Variants in RSPH6A observed in about 807,000 individuals in gnomAD.
RSPH6A encodes radial spoke head protein 6 homolog A.
A neutral mutation model predicts 66.1 loss-of-function variants in RSPH6A; 49 were observed. The ratio of observed to expected loss-of-function variants is 0.74; its 90% confidence interval spans 0.59 to 0.94. The LOEUF (loss-of-function observed/expected upper bound fraction) is 0.94, where lower values mean the gene tolerates loss of function less well. RSPH6A is among the 40% of genes least tolerant of loss of function. The pLI, the probability that RSPH6A is intolerant of heterozygous loss-of-function variation, is 0.00. For missense variants in RSPH6A, 977 were observed against 948.3 expected, an observed-to-expected ratio of 1.03 and a Z score of -0.40; for synonymous variants, 419 against 402.4, an observed-to-expected ratio of 1.04 and a Z score of -0.49.
At chr19:45,811,924 G>A (rs574640826) in intron 1 of RSPH6A, among the ~76,000 whole-genome samples, 3 of 150,396 alleles carry the variant, frequency 2.0e-5, no homozygotes, top group Non-Finnish European at 3.0e-5. Context: ...GGGACTACAG[G>A]TGCACACCAC....
At chr19:45,803,294 T>G (rs977934660) in intron 3 of RSPH6A, among the ~76,000 whole-genome samples, 2 of 151,414 alleles carry the variant, frequency 1.3e-5, no homozygotes, top group African/African-American at 4.9e-5. Context: ...GTGGGAGGAT[T>G]GCTTGAGCCC....
At position 45,804,843 on chromosome 19, in the gene RSPH6A, GCT is replaced by G; in HGVS notation, c.1060_1061del (p.Ser354LeufsTer51). Reference sequence around the variant, plus strand: ...GGAATTCCACCTCGGCCACCAGGTAGCTGCGTTTGATTCCCAGGATCTTGCCC... The same window carrying G: ...GGAATTCCACCTCGGCCACCAGGTAGGCGTTTGATTCCCAGGATCTTGCCC... ...FWGKILGIKR[S>X]YLVAEVEFRE... On this transcript the variant is annotated frameshift_variant, in exon 3 of 6. Coordinates refer to ENST00000221538, the MANE Select transcript of RSPH6A (RefSeq NM_030785.4). LOFTEE classifies it high-confidence loss of function. This position sits in a 1 kb window ranked among gnomAD's most constrained non-coding sequence, Gnocchi z 5.8. The G allele has an allele frequency of 6.2e-7, 1 of 1,614,202 alleles. No homozygotes were observed. The highest frequency in any genetic ancestry group is 8.5e-7 in the Non-Finnish European group (1 of 1,180,040).
chr19:45,797,522 A>G (rs780490755), intron 5 of RSPH6A, among the ~76,000 whole-genome samples: 5 of 152,184 alleles, frequency 3.3e-5, no homozygotes, highest in African/African-American at 1.2e-4. Flanking sequence ...TATGTCCAAC[A>G]TATCATGTGG....
At chr19:45,814,471 G>T in intron 1 of RSPH6A, 56 bp downstream of exon 1, 1 of 1,440,916 alleles carries the variant, frequency 6.9e-7, no homozygotes. Context: ...GGCACTTCGG[G>T]TGGGGCCCCT....
chr19:45,802,841 T>C (rs1189562933), intron 3 of RSPH6A, among the ~76,000 whole-genome samples: 1 of 150,464 alleles, frequency 6.6e-6, no homozygotes, highest in East Asian at 2.0e-4. Flanking sequence ...TTTTTTGAGA[T>C]GGAGTCTGGC....
Position 45,815,194 on chromosome 19 carries a change from A to T in RSPH6A, c.-18T>A, listed in dbSNP as rs1156299968. ...TCTCCCATGGTTCGCCAGGAGGCACAGATCTCTAGGAGAAAGGCTTGCAGA... is the reference window on the plus strand; with the variant it reads ...TCTCCCATGGTTCGCCAGGAGGCACTGATCTCTAGGAGAAAGGCTTGCAGA... On this transcript the variant is annotated 5_prime_UTR_variant, in exon 1 of 6. Transcript: ENST00000221538. The T allele has an allele frequency of 2.5e-6, 4 of 1,575,262 alleles. No individual in the cohort carries two copies. Among genetic ancestry groups the T allele is most frequent in the South Asian group, 2.3e-5 (2 of 88,284 alleles).
intron 3 of RSPH6A, among the ~76,000 whole-genome samples, chr19:45,802,991 G>A (rs1600474077): frequency 2.7e-5 from 4 of 147,736 alleles, no homozygotes; most frequent in South Asian, 4.4e-4. Flanking sequence ...GGCGGATCAC[G>A]AGGTCAGGAG....
rs1467502949 is a variant in RSPH6A, at chr19:45,802,202, C to G, written c.1716G>C (p.Glu572Asp). The change falls in exon 4 of 6, where the codon GAG (glutamate) becomes GAC (aspartate). Residue 572 changes from glutamate to aspartate, a missense_variant. Physicochemically the swap from Glu to Asp is conservative, Grantham distance 45. Transcript: ENST00000221538. ...CTGGCCCCTCATCTGCCTTCTCTTC[C>G]TCCTCCCCCAGGTCCTCCTCCTCCT... ...KTEEEEDLGE[E>D]EEKADEGPEE... is the part of the protein sequence containing the mutation. The G allele has an allele frequency of 1.9e-6, 3 of 1,549,736 alleles. No individual in the cohort carries two copies. The highest frequency in any genetic ancestry group is 8.7e-7 in the Non-Finnish European group (1 of 1,143,732).
Position 45,795,829 on chromosome 19 carries a change from G to A in RSPH6A, c.*40C>T, listed in dbSNP as rs202017830. 6.5e-7 allele frequency: 1 copy of A among 1,540,232 alleles called. No homozygotes were observed. Among genetic ancestry groups the A allele is most frequent in the Non-Finnish European group, 8.8e-7 (1 of 1,132,548 alleles). On this transcript the variant is annotated 3_prime_UTR_variant, in exon 6 of 6. Coordinates refer to ENST00000221538, the MANE Select transcript of RSPH6A (RefSeq NM_030785.4). The stretch of plus-strand genomic sequence containing the variant: ...GCTAACTACCTCTAAGGGGAAATTT[G>A]CTATCTACCTGCTTGGGGAAAGTGG...
rs199514860 is a variant in RSPH6A, at chr19:45,810,810, C to T, written c.681G>A (p.Lys227=). The T allele has an allele frequency of 5.0e-6, 8 of 1,612,144 alleles. No individual in the cohort carries two copies. The East Asian group carries it at 1.8e-4, about 36-fold the overall frequency. Residue 227 remains lysine, a synonymous_variant, in exon 2 of 6, where the codon AAG becomes AAA. Transcript: ENST00000221538. ...GGTCCTCAGGCCGCTGGTTCAGGAT[C>T]TTGGTCAGCAGATTCACCAGGTGCT... ...LYEHLVNLLT[K]ILNQRPEDPL...
In RSPH6A at chr19:45,804,690, C is replaced by T. The variant is rs1970518448; in HGVS notation, c.1215G>A (p.Lys405=). The T allele has an allele frequency of 6.2e-7, 1 of 1,613,806 alleles. No individual in the cohort carries two copies. The highest frequency in any genetic ancestry group is 1.3e-5 in the African/African-American group (1 of 74,828). ...DEEKAVDIVP[K]SVWKPPPVIP... ...TCACGGGCGGCGGCTTCCATACGGA[C>T]TTAGGGACGATGTCCACGGCCTTCT... The change falls in exon 3 of 6, where the codon AAG becomes AAA. Residue 405 remains lysine, a synonymous_variant. Coordinates refer to ENST00000221538, the MANE Select transcript of RSPH6A (RefSeq NM_030785.4). This position sits in a 1 kb window ranked among gnomAD's most constrained non-coding sequence, Gnocchi z 5.8.
In RSPH6A at chr19:45,810,691, G is replaced by T; in HGVS notation, c.800C>A (p.Pro267His). 6.2e-7 allele frequency: 1 copy of T among 1,614,082 alleles called. No homozygotes were observed. The highest frequency in any genetic ancestry group is 8.5e-7 in the Non-Finnish European group (1 of 1,180,022). Residue 267 changes from proline (P) to histidine (H), a missense_variant, in exon 2 of 6, where the codon CCC (proline) becomes CAC (histidine). Coordinates refer to ENST00000221538, the MANE Select transcript of RSPH6A (RefSeq NM_030785.4). ...DTLRDDPEMQPTYKMAEKQKA... is the reference protein window; with the variant it reads ...DTLRDDPEMQHTYKMAEKQKA... ...CTGTTTCTCCGCCATCTTGTAGGTG[G>T]GCTGCATCTCGGGGTCGTCCCGCAG... is the stretch of plus-strand genomic sequence containing the variant.
chr19:45,811,750 T>TA (rs151178212), intron 1 of RSPH6A, among the ~76,000 whole-genome samples: 9,457 of 44,402 alleles, frequency 0.21, 625 homozygotes, highest in African/African-American at 0.39. Flanking sequence ...TTTGTATTAT[T>TA]ATTATTATTA....
rs754366020 is a variant in RSPH6A, at chr19:45,800,431, TG to T, written c.1916+14del. The T allele has an allele frequency of 1.1e-4, 178 of 1,606,724 alleles. No homozygotes were observed. Among genetic ancestry groups the T allele is most frequent in the Non-Finnish European group, 1.4e-4 (170 of 1,175,100 alleles). On this transcript the variant is annotated intron_variant, in intron 5 of 5. Transcript: ENST00000221538. ...GAGAGATTCTCCTGCTGGGAGGGGC[TG>T]GGGGAAGACCTACTTGCCACTGGCA...
chr19:45,804,464 G>T lies in RSPH6A; in HGVS notation c.1441C>A (p.Leu481Met). Reference sequence around the variant, plus strand: ...GAGATGCGGGCTATCTGGGCCCGCAGGTAGTTGGCCTCGTTGCCCGGGAAG... The same window carrying T: ...GAGATGCGGGCTATCTGGGCCCGCATGTAGTTGGCCTCGTTGCCCGGGAAG... ...PPFPGNEANYLRAQIARISAA... is the reference protein window; with the variant it reads ...PPFPGNEANYMRAQIARISAA... The change falls in exon 3 of 6, where the codon CTG (leucine) becomes ATG (methionine). Residue 481 changes from leucine (L) to methionine (M), a missense_variant. By Grantham distance (15) the Leu-to-Met change is conservative. Transcript: ENST00000221538. The surrounding 1 kb of genome is among the most constrained non-coding windows in gnomAD (Gnocchi z 5.8). 1 of 1,614,088 alleles carries T rather than the reference G, an allele frequency of 6.2e-7. No homozygotes were observed. Among genetic ancestry groups the T allele is most frequent in the Non-Finnish European group, 8.5e-7 (1 of 1,179,958 alleles).
chr19:45,807,310 G>A (rs937465570), intron 2 of RSPH6A, among the ~76,000 whole-genome samples: 10 of 151,480 alleles, frequency 6.6e-5, no homozygotes, highest in Admixed American at 5.9e-4. Context: ...CCGCCTCCCG[G>A]GTTCACGCCA....
rs375910298 is a variant in RSPH6A, at chr19:45,798,272, C to T, written c.1917-2166G>A. Among the ~76,000 whole-genome samples, 19 of 151,534 alleles carry T rather than the reference C, an allele frequency of 1.3e-4. No individual in the cohort carries two copies. The East Asian group carries it at 2.3e-3, about 19-fold the overall frequency. ...TACTAGGGGGGCTGAGGCAGGAGGA[C>T]GGCTTGAACCTGGGAGGCGGAGGAT... is the stretch of plus-strand genomic sequence containing the variant. On this transcript the variant is annotated intron_variant, in intron 5 of 5. Transcript: ENST00000221538.
chr19:45,800,475 C>A lies in RSPH6A; in HGVS notation c.1887G>T (p.Trp629Cys). The change falls in exon 5 of 6, where the codon TGG (tryptophan) becomes TGT (cysteine). Residue 629 changes from tryptophan (W) to cysteine (C), a missense_variant. Transcript: ENST00000221538. ...YSVAVVRSNL[W>C]PGAYAYASGK... ...CACTGGCATAGGCATAGGCCCCGGG[C>A]CAGAGGTTGGAGCGCACAACGGCCA... 6.2e-7 allele frequency: 1 copy of A among 1,613,250 alleles called. No individual in the cohort carries two copies. Among genetic ancestry groups the A allele is most frequent in the Non-Finnish European group, 8.5e-7 (1 of 1,179,884 alleles).
Position 45,810,845 on chromosome 19 carries a change from C to T in RSPH6A, c.651-5G>A, listed in dbSNP as rs59483984. The T allele has an allele frequency of 2.1e-5, 34 of 1,601,600 alleles. No individual in the cohort carries two copies. The highest frequency in any genetic ancestry group is 2.6e-5 in the Non-Finnish European group (31 of 1,170,560). On this transcript the variant is annotated splice_polypyrimidine_tract_variant and splice_region_variant and intron_variant, in intron 1 of 5. Coordinates refer to ENST00000221538, the MANE Select transcript of RSPH6A (RefSeq NM_030785.4). ...AGATTCACCAGGTGCTCGTACCTGC[C>T]TCCCGCAGGAGGAGTGGGAGGAGAG... is the stretch of plus-strand genomic sequence containing the variant.
Sources: gnomAD v4.1 joint callset for allele counts (sites outside exome capture counted in the v4.1 genomes callset) on GRCh38, gnomAD v4.1.1 for gene constraint, Gnocchi (gnomAD v3.1) non-coding constraint, MANE v1.5 for transcripts, NCBI Gene and HGNC (gene_info 2026-07-23, HGNC 2026-07-21) for gene names.